The following CRYBG1 variants were observed in gnomAD, a reference collection of about 807,000 sequenced individuals.
CRYBG1 encodes the protein beta/gamma crystallin domain-containing protein 1.
A neutral mutation model predicts 189.2 loss-of-function variants in CRYBG1; 139 were observed. The ratio of observed to expected loss-of-function variants is 0.73; its 90% confidence interval spans 0.64 to 0.85. CRYBG1 has a LOEUF of 0.85. Ranked by LOEUF, CRYBG1 falls within the 40% of genes least tolerant of loss-of-function variation. The pLI is 0.00. For synonymous variants in CRYBG1, 1,023 were observed against 1,017.1 expected (o/e 1.01, Z -0.11); for missense variants, 2,611 against 2,675.8 (o/e 0.98, Z 0.53).
intron 1 of CRYBG1, 110 bp downstream of exon 1, chr6:106,361,191 G>A: frequency 7.7e-7 from 1 of 1,292,246 alleles, no homozygotes; most frequent in Admixed American, 2.8e-5. Context: ...AAGCCCCGGG[G>A]TCTGTTTCAG....
chr6:106,508,133 C>G (rs898998516), intron 2 of CRYBG1, among the ~76,000 whole-genome samples: 1 of 152,170 alleles, frequency 6.6e-6, no homozygotes, highest in East Asian at 1.9e-4. Flanking sequence ...GTCTCAGCTA[C>G]TTGGGAAGCT....
intron 3 of CRYBG1, among the ~76,000 whole-genome samples, chr6:106,513,974 C>T (rs1367841873): frequency 1.3e-5 from 2 of 152,172 alleles, no homozygotes; most frequent in South Asian, 2.1e-4. Flanking sequence ...CAGGATATTG[C>T]CCTGAAATTT....
rs772710830 is a variant in CRYBG1 at position 106,561,464 on chromosome 6, G to A, written c.6102G>A (p.Gln2034=). ...TGGAGGATGTCGGGGCCGATGATCA[G>A]ATTTGGATCTATCAAGAAGGATGTA... ...QVMEDVGADD[Q]IWIYQEGCIK... The change falls in exon 20 of 22, where the codon CAG becomes CAA. Residue 2034 remains glutamine (Q), a synonymous_variant. Coordinates refer to ENST00000633556, the MANE Select transcript of CRYBG1 (RefSeq NM_001371242.2). The A allele has an allele frequency of 1.2e-5, 20 of 1,613,972 alleles. No individual in the cohort carries two copies. In the South Asian group the frequency reaches 1.8e-4, roughly 14 times the overall value.
At chr6:106,387,383 G>A (rs1182973339) in intron 1 of CRYBG1, among the ~76,000 whole-genome samples, 1 of 152,200 alleles carries the variant, frequency 6.6e-6, no homozygotes, top group Non-Finnish European at 1.5e-5. Context: ...ACACCCAGGA[G>A]AGATGGAAGA....
At chr6:106,464,371 T>G (rs1181200971) in intron 2 of CRYBG1, among the ~76,000 whole-genome samples, 1 of 151,846 alleles carries the variant, frequency 6.6e-6, no homozygotes, top group Non-Finnish European at 1.5e-5. Context: ...TGCGCGCCTG[T>G]AATCCCAGCT....
intron 8 of CRYBG1, among the ~76,000 whole-genome samples, chr6:106,532,121 G>T (rs1185625360): frequency 6.6e-6 from 1 of 152,154 alleles, no homozygotes; most frequent in African/African-American, 2.4e-5. Context: ...AATCAGGGAA[G>T]TTAGCAAATC....
intron 2 of CRYBG1, 68 bp from the exon 3 acceptor site, chr6:106,511,362 T>C: frequency 1.5e-6 from 2 of 1,368,684 alleles, no homozygotes; most frequent in Non-Finnish European, 1.9e-6. Context: ...GGTGGTTCTG[T>C]AATGTACGTC....
At chr6:106,362,037 C>G (rs1263813486) in intron 1 of CRYBG1, among the ~76,000 whole-genome samples, 2 of 144,258 alleles carry the variant, frequency 1.4e-5, no homozygotes, top group South Asian at 2.2e-4. Flanking sequence ...CTGGCCCAAT[C>G]CCGGCTCACT....
chr6:106,500,752 C>T (rs1263903349), intron 2 of CRYBG1, among the ~76,000 whole-genome samples: 2 of 152,100 alleles, frequency 1.3e-5, no homozygotes, highest in Non-Finnish European at 2.9e-5. Context: ...TTTTCCATTT[C>T]CCTTCTCTTC....
At chr6:106,361,151 T>G (rs1771860350) in intron 1 of CRYBG1, 70 bp downstream of exon 1, 1 of 1,472,686 alleles carries the variant, frequency 6.8e-7, no homozygotes, top group Non-Finnish European at 9.0e-7. Context: ...CGCTAGCCCT[T>G]GGACTCCTGA....
At position 106,512,415 on chromosome 6, in the gene CRYBG1, C is replaced by T. The variant is rs748264514; in HGVS notation, c.1298C>T (p.Ala433Val). ...GSQKSTDSPG[A>V]DAELPESAAR... ...CAGAAATCCACCGACTCCCCCGGCG[C>T]GGACGCCGAGCTCCCTGAGAGCGCT... Residue 433 changes from alanine to valine, a missense_variant, in exon 3 of 22, where the codon GCG (alanine) becomes GTG (valine). Coordinates refer to ENST00000633556, the MANE Select transcript of CRYBG1 (RefSeq NM_001371242.2). The T allele has an allele frequency of 2.2e-5, 36 of 1,608,344 alleles. 1 individual carries two copies. The South Asian group carries it at 3.7e-4, about 16-fold the overall frequency.
At chr6:106,416,255 G>A (rs375300206) in intron 1 of CRYBG1, among the ~76,000 whole-genome samples, 1 of 152,346 alleles carries the variant, frequency 6.6e-6, no homozygotes, top group Non-Finnish European at 1.5e-5. Flanking sequence ...AGAGTCCATA[G>A]CGTGATGAAC....
intron 2 of CRYBG1, among the ~76,000 whole-genome samples, chr6:106,483,402 A>ATATATATGTATATATATATATATAT (rs1361096436): frequency 3.4e-5 from 3 of 88,422 alleles, no homozygotes; most frequent in Admixed American, 1.3e-4. Context: ...ATATATATAT[A>ATATATATGTATATATATATATATAT]AAACATTTTC....
rs568303676 is a variant in CRYBG1, at chr6:106,480,109, C to T, written c.312+28277C>T. The stretch of plus-strand genomic sequence containing the variant: ...GTATGTGGGGTGAGATAGGGGCCAC[C>T]ACCATTTTTGCTAGAAATACAGTCT... On this transcript the variant is annotated intron_variant, in intron 2 of 21. Transcript: ENST00000633556. Among the ~76,000 whole-genome samples, 3 of 152,190 alleles carry T rather than the reference C, an allele frequency of 2.0e-5. No individual in the cohort carries two copies. In the East Asian group the frequency reaches 5.8e-4, roughly 29 times the overall value.
chr6:106,466,984 G>A (rs1259171239), intron 2 of CRYBG1, among the ~76,000 whole-genome samples: 1 of 152,190 alleles, frequency 6.6e-6, no homozygotes, highest in African/African-American at 2.4e-5. Flanking sequence ...AAAGCAGATG[G>A]GAACTGAAAT....
At position 106,517,447 on chromosome 6, in the gene CRYBG1, TACACACATATATATATACAC is replaced by T. The variant is rs1773464593; in HGVS notation, c.1923-1656_1923-1637del. Among the ~76,000 whole-genome samples the T allele has an allele frequency of 1.2e-4, 18 of 147,274 alleles. No homozygotes were observed. The South Asian group carries it at 4.1e-3, about 34-fold the overall frequency. ...ATATATATACACACACACATATATATACACACATATATATATACACACACACATATATATATACACACACA... is the reference window on the plus strand; with the variant it reads ...ATATATATACACACACACATATATATACACACATATATATATACACACACA... On this transcript the variant is annotated intron_variant, in intron 3 of 21. Coordinates refer to ENST00000633556, the MANE Select transcript of CRYBG1 (RefSeq NM_001371242.2).
chr6:106,417,630 T>C (rs1172236390), intron 1 of CRYBG1, among the ~76,000 whole-genome samples: 2 of 152,244 alleles, frequency 1.3e-5, no homozygotes, highest in Non-Finnish European at 2.9e-5. Context: ...ACACAGGAAT[T>C]TTCTCTCAGC....
At chr6:106,437,627 G>A (rs972745623) in intron 1 of CRYBG1, among the ~76,000 whole-genome samples, 4 of 152,122 alleles carry the variant, frequency 2.6e-5, no homozygotes, top group African/African-American at 9.7e-5. Flanking sequence ...CGTAGAAACA[G>A]GGTGTTGCTA....
chr6:106,454,524 G>A (rs1411381000), intron 2 of CRYBG1, among the ~76,000 whole-genome samples: 1 of 152,218 alleles, frequency 6.6e-6, no homozygotes, highest in Non-Finnish European at 1.5e-5. Flanking sequence ...ACTCTCCCCA[G>A]TGAGCCTGAG....
Sources: gnomAD v4.1 joint callset for allele counts (sites outside exome capture counted in the v4.1 genomes callset) on GRCh38, gnomAD v4.1.1 for gene constraint, MANE v1.5 for transcripts, NCBI Gene and HGNC (gene_info 2026-07-23, HGNC 2026-07-21) for gene names.